The following EYS variants were observed in gnomAD, a reference collection of about 807,000 sequenced individuals.
EYS encodes the protein EGF-like photoreceptor maintenance factor.
EYS carries 250 observed loss-of-function variants against 282.1 expected under a neutral mutation model. The observed-to-expected ratio is 0.89, with a 90% CI of 0.80 to 0.98. The LOEUF (loss-of-function observed/expected upper bound fraction) is 0.98, where lower values mean the gene tolerates loss of function less well. EYS is among the 50% of genes least tolerant of loss of function. The pLI, the probability that EYS is intolerant of heterozygous loss-of-function variation, is 0.00. For synonymous variants in EYS, 1,355 were observed against 1,282.9 expected, an observed-to-expected ratio of 1.06 and a Z score of -1.20; for missense variants, 4,016 against 3,709.0, an observed-to-expected ratio of 1.08 and a Z score of -2.15.
intron 26 of EYS, among the ~76,000 whole-genome samples, chr6:64,453,877 G>C (rs1177766132): frequency 1.3e-5 from 2 of 152,028 alleles, no homozygotes; most frequent in Non-Finnish European, 2.9e-5. Context: ...GGAGTGGGGA[G>C]GGATAGCATT....
chr6:65,538,124 C>T (rs766823237), intron 2 of EYS, among the ~76,000 whole-genome samples: 33 of 152,120 alleles, frequency 2.2e-4, no homozygotes, highest in Non-Finnish European at 4.4e-4. Flanking sequence ...TAAAGAGTTT[C>T]TAGCAAAATA....
At chr6:64,380,523 A>G (rs1363145066) in intron 29 of EYS, among the ~76,000 whole-genome samples, 1 of 152,220 alleles carries the variant, frequency 6.6e-6, no homozygotes, top group Non-Finnish European at 1.5e-5. Flanking sequence ...AAACTTAGAT[A>G]CAATTTCCTC....
At chr6:64,770,206 T>A (rs1367662006) in intron 22 of EYS, among the ~76,000 whole-genome samples, 1 of 151,918 alleles carries the variant, frequency 6.6e-6, no homozygotes, top group East Asian at 1.9e-4. Context: ...ATACTTTCTT[T>A]TGACTACCTC....
At chr6:65,043,777 T>C (rs1773013838) in intron 13 of EYS, among the ~76,000 whole-genome samples, 1 of 151,590 alleles carries the variant, frequency 6.6e-6, no homozygotes, top group Admixed American at 6.6e-5. Context: ...ATTTATCCAT[T>C]CTTCCATTGA....
intron 29 of EYS, among the ~76,000 whole-genome samples, chr6:64,318,393 T>A (rs1770063784): frequency 6.6e-6 from 1 of 152,006 alleles, no homozygotes; most frequent in Non-Finnish European, 1.5e-5. Flanking sequence ...ATATTAATAA[T>A]CAGTAGTAGT....
At chr6:65,469,102 A>G (rs1001588962) in intron 5 of EYS, among the ~76,000 whole-genome samples, 2 of 152,092 alleles carry the variant, frequency 1.3e-5, no homozygotes, top group African/African-American at 4.8e-5. Flanking sequence ...ATTTTTCAGT[A>G]TAAGTATTTC....
At chr6:65,486,618 A>G (rs1765793382) in intron 5 of EYS, among the ~76,000 whole-genome samples, 2 of 152,204 alleles carry the variant, frequency 1.3e-5, no homozygotes, top group Admixed American at 6.5e-5. Flanking sequence ...TTTAAATATT[A>G]TAACAGTGCT....
chr6:65,446,376 G>A (rs1480017760), intron 5 of EYS, among the ~76,000 whole-genome samples: 1 of 151,728 alleles, frequency 6.6e-6, no homozygotes, highest in Non-Finnish European at 1.5e-5. Flanking sequence ...TAACTTCAAA[G>A]AGAAAACTGT....
At chr6:64,704,984 C>T (rs1770950030) in intron 22 of EYS, among the ~76,000 whole-genome samples, 1 of 151,690 alleles carries the variant, frequency 6.6e-6, no homozygotes, top group South Asian at 2.1e-4. Flanking sequence ...CCAGAGCAAT[C>T]AGAAAAGATA....
intron 39 of EYS, chr6:63,779,410 C>A (rs754024480): frequency 2.7e-5 from 4 of 150,312 alleles, no homozygotes; most frequent in African/African-American, 9.8e-5. Flanking sequence ...GCTGAGATCG[C>A]GCCACTGCAC....
In EYS at chr6:64,946,220, G is replaced by A. The variant is rs573678371; in HGVS notation, c.2260-306C>T. Among the ~76,000 whole-genome samples, 12 of 152,062 alleles carry A rather than the reference G, an allele frequency of 7.9e-5. No homozygotes were observed. In the South Asian group the frequency reaches 2.1e-3, roughly 26 times the overall value. On this transcript the variant is annotated intron_variant, in intron 14 of 42. Transcript: ENST00000503581. Reference sequence around the variant, plus strand: ...TGTTAAATGTTTTAAAAGAAAAATAGCATGTTAGTCATATGATGGTAGATG... The same window carrying A: ...TGTTAAATGTTTTAAAAGAAAAATAACATGTTAGTCATATGATGGTAGATG...
chr6:65,401,396 G>GT (rs552217702), intron 7 of EYS, among the ~76,000 whole-genome samples: 97 of 134,884 alleles, frequency 7.2e-4, no homozygotes, highest in South Asian at 1.6e-3. Flanking sequence ...AGATGTATTT[G>GT]TTTTTTTTTT....
At chr6:65,312,419 C>T (rs1438379760) in intron 11 of EYS, among the ~76,000 whole-genome samples, 3 of 151,928 alleles carry the variant, frequency 2.0e-5, no homozygotes, top group Admixed American at 1.3e-4. Context: ...GCTTTAGGGC[C>T]GTCACTCGCA....
At chr6:64,903,481 T>C (rs1767729070) in intron 16 of EYS, among the ~76,000 whole-genome samples, 1 of 152,220 alleles carries the variant, frequency 6.6e-6, no homozygotes, top group South Asian at 2.1e-4. Flanking sequence ...ATAGTCTAGC[T>C]ACCCAGGAAT....
chr6:64,797,178 T>C (rs542573452), intron 22 of EYS, among the ~76,000 whole-genome samples: 2 of 151,980 alleles, frequency 1.3e-5, no homozygotes, highest in South Asian at 4.2e-4. Context: ...CAGCAAACAA[T>C]TGACCAAGAA....
At chr6:64,852,819 A>G (rs572402456) in intron 19 of EYS, among the ~76,000 whole-genome samples, 2 of 152,224 alleles carry the variant, frequency 1.3e-5, no homozygotes, top group African/African-American at 4.8e-5. Context: ...GAGTCATGGA[A>G]CAGAGTCTTC....
chr6:64,597,726 G>T (rs1286451555), intron 24 of EYS, among the ~76,000 whole-genome samples: 1 of 151,106 alleles, frequency 6.6e-6, no homozygotes, highest in Non-Finnish European at 1.5e-5. Context: ...GAGGACATGG[G>T]GGGGTAAATA....
At chr6:65,107,965 CATT>C (rs1775093341) in intron 12 of EYS, among the ~76,000 whole-genome samples, 1 of 152,012 alleles carries the variant, frequency 6.6e-6, no homozygotes. Flanking sequence ...CACATACAAT[CATT>C]ATAAATCCTG....
chr6:64,464,317 T>C (rs1021926657), intron 26 of EYS, among the ~76,000 whole-genome samples: 4 of 152,106 alleles, frequency 2.6e-5, no homozygotes, highest in African/African-American at 7.2e-5. Flanking sequence ...AAATAAACTA[T>C]AGATGATAAA....
Sources: gnomAD v4.1 joint callset for allele counts (sites outside exome capture counted in the v4.1 genomes callset) on GRCh38, gnomAD v4.1.1 for gene constraint, MANE v1.5 for transcripts, NCBI Gene and HGNC (gene_info 2026-07-23, HGNC 2026-07-21) for gene names.